Variants in LRIG1 observed in about 807,000 individuals in gnomAD.
The protein encoded by LRIG1 is leucine rich repeats and immunoglobulin like domains 1.
In LRIG1, 48 loss-of-function variants were observed where a neutral mutation model predicts 99.2. The observed-to-expected ratio is 0.48, with a 90% CI of 0.38 to 0.62. The LOEUF is 0.62. Among genes scored for constraint, LRIG1 ranks in the 20% least tolerant of loss-of-function variants. LRIG1 has a pLI of 0.00. For synonymous variants in LRIG1, 772 were observed against 596.1 expected, an observed-to-expected ratio of 1.29 and a Z score of -4.30; for missense variants, 1,646 against 1,434.4, an observed-to-expected ratio of 1.15 and a Z score of -2.38.
intron 3 of LRIG1, among the ~76,000 whole-genome samples, chr3:66,428,275 T>C (rs1023715149): frequency 1.2e-4 from 18 of 152,158 alleles, no homozygotes; most frequent in Non-Finnish European, 2.5e-4. Flanking sequence ...CTGAAAACCA[T>C]TAGCTCCAAG....
At chr3:66,489,979 C>T (rs1272633256) in intron 1 of LRIG1, among the ~76,000 whole-genome samples, 7 of 152,336 alleles carry the variant, frequency 4.6e-5, no homozygotes, top group South Asian at 4.1e-4. Context: ...CACGACTTCA[C>T]ATAAAGTTTC....
chr3:66,482,769 ATAAT>A (rs1299690004), intron 1 of LRIG1, among the ~76,000 whole-genome samples: 45 of 152,354 alleles, frequency 3.0e-4, no homozygotes, highest in Admixed American at 2.4e-3. Context: ...AAGTTGTGTA[ATAAT>A]TTATTATACA....
intron 3 of LRIG1, among the ~76,000 whole-genome samples, chr3:66,423,895 T>C (rs1702896308): frequency 6.6e-6 from 1 of 152,202 alleles, no homozygotes; most frequent in Non-Finnish European, 1.5e-5. Context: ...TGAGTTCTTG[T>C]TTTTAGTAGT....
chr3:66,464,949 T>A (rs1455907252), intron 1 of LRIG1, among the ~76,000 whole-genome samples: 1 of 152,204 alleles, frequency 6.6e-6, no homozygotes, highest in Non-Finnish European at 1.5e-5. Flanking sequence ...GTATCAGGAC[T>A]TAACACTGAG....
rs543592668 is a variant in LRIG1, at chr3:66,398,462, AAACT to A, written c.1233-283_1233-280del. Among the ~76,000 whole-genome samples the A allele has an allele frequency of 1.1e-4, 16 of 152,326 alleles. No individual in the cohort carries two copies. In the East Asian group the frequency reaches 3.1e-3, roughly 29 times the overall value. ...GTCAAACTTGATTCAAAGAGGAAAC[AAACT>A]AAGAATCACATACATGAGGCATCCT... On this transcript the variant is annotated intron_variant, in intron 10 of 18. Transcript: ENST00000273261.
intron 12 of LRIG1, chr3:66,387,553 CAAT>C (rs1701436583): frequency 6.6e-6 from 1 of 152,108 alleles, no homozygotes; most frequent in African/African-American, 2.4e-5. Context: ...CAAGCTGTAA[CAAT>C]AAACAGCAAC....
At chr3:66,413,853 C>T (rs1220893763) in intron 5 of LRIG1, among the ~76,000 whole-genome samples, 1 of 152,156 alleles carries the variant, frequency 6.6e-6, no homozygotes, top group Non-Finnish European at 1.5e-5. Context: ...GAGAGCCAGG[C>T]ACACCCCGTC....
intron 3 of LRIG1, among the ~76,000 whole-genome samples, chr3:66,430,691 C>T (rs1230519275): frequency 6.6e-6 from 1 of 152,158 alleles, no homozygotes; most frequent in African/African-American, 2.4e-5. Flanking sequence ...GCTGTCTTGG[C>T]ATCTGGGCAT....
chr3:66,394,248 G>C, intron 11 of LRIG1, 45 bp from the exon 12 acceptor site: 7 of 1,502,964 alleles, frequency 4.7e-6, no homozygotes, highest in Non-Finnish European at 6.3e-6. Flanking sequence ...AGCCGCAAAG[G>C]AGGGACACTC....
intron 1 of LRIG1, among the ~76,000 whole-genome samples, chr3:66,478,979 T>C (rs1022222046): frequency 6.6e-6 from 1 of 152,112 alleles, no homozygotes; most frequent in Non-Finnish European, 1.5e-5. Context: ...CCTTTCCCAT[T>C]AAAAGCCACC....
At chr3:66,455,595 G>A (rs1272095822) in intron 2 of LRIG1, among the ~76,000 whole-genome samples, 2 of 152,198 alleles carry the variant, frequency 1.3e-5, no homozygotes, top group African/African-American at 4.8e-5. Flanking sequence ...CATAGTGGCT[G>A]TTTCTTTGGT....
rs928103921 is a variant in LRIG1 at position 66,382,122 on chromosome 3, A to G, written c.2617+151T>C. 9 of 866,476 alleles carry G rather than the reference A, an allele frequency of 1.0e-5. No homozygotes were observed. In the African/African-American group the frequency reaches 1.2e-4, roughly 11 times the overall value. 53.7% of individuals were successfully genotyped at this position (866,476 alleles called of 1,614,324 possible). On this transcript the variant is annotated intron_variant, in intron 16 of 18. Coordinates refer to ENST00000273261, the MANE Select transcript of LRIG1 (RefSeq NM_015541.3). ...GCAGAACTCATGAAGACTGGGTCCA[A>G]AATAGCAGCCCTTAGTCATACCGCC... is the stretch of plus-strand genomic sequence containing the variant.
intron 3 of LRIG1, among the ~76,000 whole-genome samples, chr3:66,436,469 A>T (rs1416211334): frequency 6.6e-6 from 1 of 152,184 alleles, no homozygotes; most frequent in South Asian, 2.1e-4. Context: ...AACTTACATG[A>T]CCACAAAATC....
intron 7 of LRIG1, among the ~76,000 whole-genome samples, chr3:66,408,945 T>TGCGC (rs1411729160): frequency 1.7e-4 from 18 of 105,916 alleles, no homozygotes; most frequent in African/African-American, 6.9e-4. Context: ...TGTGTGTGTG[T>TGCGC]GTGTGTGTGT....
rs202007714 is a variant in LRIG1, at chr3:66,383,098, G to A, written c.2375C>T (p.Thr792Met). ...GACAGCAATGGTGAAGATGCCTACC[G>A]TGGTCCCATCCTTCCTGCAGCCTGC... ...PAAGCRKDGT[T>M]VGIFTIAVVS... The change falls in exon 15 of 19, where the codon ACG becomes ATG. Residue 792 changes from threonine (T) to methionine (M), a missense_variant. Physicochemically the swap from Thr to Met is moderately conservative, Grantham distance 81 (BLOSUM62 -1). Coordinates refer to ENST00000273261, the MANE Select transcript of LRIG1 (RefSeq NM_015541.3). The A allele has an allele frequency of 1.1e-4, 176 of 1,614,248 alleles. 1 individual carries two copies. In the Middle Eastern group the frequency reaches 1.8e-3, roughly 17 times the overall value.
intron 2 of LRIG1, among the ~76,000 whole-genome samples, chr3:66,460,853 T>G (rs563144561): frequency 4.6e-4 from 70 of 152,338 alleles, no homozygotes; most frequent in African/African-American, 1.6e-3. Flanking sequence ...TTCTGATGCT[T>G]CTTTAACTGT....
chr3:66,384,230 C>A lies in LRIG1; in HGVS notation c.1832G>T (p.Arg611Leu). 1 of 1,613,832 alleles carries A rather than the reference C, an allele frequency of 6.2e-7. No homozygotes were observed. ...TTCGAGGCGGGCCATGGTGGTGGTC[C>A]GGATGGTTATGTCGTGGGGCGTTTT... ...FTKTPHDITI[R>L]TTTMARLECA... The change falls in exon 14 of 19, where the codon CGG becomes CTG. Residue 611 changes from arginine to leucine, a missense_variant. Transcript: ENST00000273261.
chr3:66,432,126 G>C (rs1441485768), intron 3 of LRIG1, among the ~76,000 whole-genome samples: 1 of 151,926 alleles, frequency 6.6e-6, no homozygotes, highest in Non-Finnish European at 1.5e-5. Flanking sequence ...TGTAGGGTTG[G>C]TACAGCCCAG....
At chr3:66,414,817 A>T in intron 5 of LRIG1, 103 bp downstream of exon 5, 2 of 1,191,006 alleles carry the variant, frequency 1.7e-6, no homozygotes, top group Non-Finnish European at 1.1e-6. Flanking sequence ...AGCTTTACCA[A>T]ATGGAGCAAG....
Sources: allele counts gnomAD v4.1 joint callset (sites outside exome capture counted in the v4.1 genomes callset), GRCh38; gene constraint gnomAD v4.1.1; transcripts MANE v1.5; gene names NCBI Gene and HGNC (gene_info 2026-07-23, HGNC 2026-07-21).